DLGAP2: variants seen among roughly 807,000 people sequenced by gnomAD.
The protein encoded by DLGAP2 is disks large-associated protein 2.
Under a neutral mutation model 100.3 loss-of-function variants are expected in DLGAP2, and 26 were observed. That is an observed-to-expected ratio of 0.26 (90% CI 0.19 to 0.36). The LOEUF is 0.36. Ranked by LOEUF, DLGAP2 falls within the 10% of genes least tolerant of loss-of-function variation. The probability of loss-of-function intolerance (pLI) is 1.00; values close to 1 mark genes in which losing one functional copy is unlikely to be tolerated. For synonymous variants in DLGAP2, 886 were observed against 630.1 expected (o/e 1.41, Z -6.08); for missense variants, 1,858 against 1,453.2 (o/e 1.28, Z -4.53).
intron 3 of DLGAP2, among the ~76,000 whole-genome samples, chr8:1,434,089 C>T (rs1051682242): frequency 2.0e-5 from 3 of 152,098 alleles, no homozygotes; most frequent in South Asian, 2.1e-4. Flanking sequence ...GTGCTATGGG[C>T]GTGGCTGCTT....
chr8:951,898 T>C (rs569703918), intron 2 of DLGAP2, among the ~76,000 whole-genome samples: 2 of 152,340 alleles, frequency 1.3e-5, no homozygotes, highest in East Asian at 3.9e-4. Flanking sequence ...GGTAGACTCA[T>C]TGGAACCACT....
At chr8:1,164,892 C>T (rs1047357425) in intron 2 of DLGAP2, among the ~76,000 whole-genome samples, 1 of 152,062 alleles carries the variant, frequency 6.6e-6, no homozygotes, top group African/African-American at 2.4e-5. Context: ...CTCTTGACCT[C>T]GTCTCCTGTA....
At chr8:1,692,510 G>C (rs1284795879) in intron 13 of DLGAP2, among the ~76,000 whole-genome samples, 1 of 152,168 alleles carries the variant, frequency 6.6e-6, no homozygotes, top group African/African-American at 2.4e-5. Context: ...GCAAGGGGGA[G>C]TGGAGGACAG....
intron 3 of DLGAP2, among the ~76,000 whole-genome samples, chr8:1,291,768 C>T (rs1270253217): frequency 1.3e-5 from 2 of 152,072 alleles, no homozygotes; most frequent in African/African-American, 2.4e-5. Context: ...CAACATTGAG[C>T]CCCCGGGGGC....
intron 2 of DLGAP2, among the ~76,000 whole-genome samples, chr8:1,086,984 C>T (rs538865517): frequency 9.2e-5 from 14 of 152,272 alleles, no homozygotes; most frequent in African/African-American, 3.4e-4. Context: ...GAACATTCCT[C>T]AGGGTAGATC....
chr8:1,275,500 C>A (rs1799664696), intron 3 of DLGAP2, among the ~76,000 whole-genome samples: 1 of 151,848 alleles, frequency 6.6e-6, no homozygotes, highest in African/African-American at 2.4e-5. Flanking sequence ...ACATCAGCGT[C>A]AATCCCAGAT....
chr8:1,641,370 G>T (rs931086496), intron 8 of DLGAP2, among the ~76,000 whole-genome samples: 2 of 152,110 alleles, frequency 1.3e-5, no homozygotes, highest in South Asian at 2.1e-4. Flanking sequence ...CAAGTAATTT[G>T]TGTCCTTCTC....
At chr8:1,344,754 C>T (rs1801516509) in intron 3 of DLGAP2, among the ~76,000 whole-genome samples, 1 of 152,234 alleles carries the variant, frequency 6.6e-6, no homozygotes, top group Admixed American at 6.5e-5. Flanking sequence ...ATTTTCTGCA[C>T]TCCTCCTTGG....
At chr8:1,033,813 C>A (rs34538560) in intron 2 of DLGAP2, among the ~76,000 whole-genome samples, 1 of 135,464 alleles carries the variant, frequency 7.4e-6, no homozygotes, top group Non-Finnish European at 1.6e-5. Context: ...CGTGTCACCG[C>A]GAGTGGATTC....
intron 1 of DLGAP2, among the ~76,000 whole-genome samples, chr8:745,134 C>A (rs569255847): frequency 6.6e-6 from 1 of 152,224 alleles, no homozygotes; most frequent in Admixed American, 6.5e-5. Context: ...ACAAGCACAG[C>A]GGCAGGTTCT....
At chr8:832,442 G>A (rs771099304) in intron 1 of DLGAP2, among the ~76,000 whole-genome samples, 41 of 152,138 alleles carry the variant, frequency 2.7e-4, no homozygotes, top group Non-Finnish European at 5.4e-4. Flanking sequence ...TAATTTTATT[G>A]TTTACAGTCA....
At chr8:1,581,814 A>G (rs917281634) in intron 6 of DLGAP2, among the ~76,000 whole-genome samples, 19 of 151,466 alleles carry the variant, frequency 1.3e-4, no homozygotes, top group Admixed American at 9.9e-4. Context: ...ACGTCTACAC[A>G]CCACAGTCAA....
intron 3 of DLGAP2, among the ~76,000 whole-genome samples, chr8:1,432,617 A>G (rs1797483305): frequency 1.3e-5 from 2 of 152,194 alleles, no homozygotes; most frequent in African/African-American, 4.8e-5. Context: ...AGGCCTTTTA[A>G]GTTAATTGTA....
At chr8:1,308,104 G>C (rs1043363541) in intron 3 of DLGAP2, among the ~76,000 whole-genome samples, 1 of 152,220 alleles carries the variant, frequency 6.6e-6, no homozygotes, top group Admixed American at 6.5e-5. Flanking sequence ...AAAAGGCCTA[G>C]GAAGACCTGC....
At chr8:1,603,672 A>G (rs17828747) in intron 6 of DLGAP2, among the ~76,000 whole-genome samples, 46,109 of 151,848 alleles carry the variant, frequency 0.3, 7,295 homozygotes, top group East Asian at 0.5. Flanking sequence ...GGGTTGTGCC[A>G]GCAAGGCCAT....
At chr8:820,684 C>G (rs745556337) in intron 1 of DLGAP2, among the ~76,000 whole-genome samples, 2 of 152,138 alleles carry the variant, frequency 1.3e-5, no homozygotes, top group Non-Finnish European at 1.5e-5. Flanking sequence ...GCATTTTGGG[C>G]TCATGTGCAT....
At chr8:1,271,356 G>T (rs1030138082) in intron 3 of DLGAP2, among the ~76,000 whole-genome samples, 1 of 152,132 alleles carries the variant, frequency 6.6e-6, no homozygotes, top group Non-Finnish European at 1.5e-5. Context: ...TGCTCTTTAA[G>T]CACAATGCAT....
At chr8:817,324 T>C (rs1796501139) in intron 1 of DLGAP2, among the ~76,000 whole-genome samples, 1 of 152,224 alleles carries the variant, frequency 6.6e-6, no homozygotes, top group Non-Finnish European at 1.5e-5. Flanking sequence ...ATCATTGTTT[T>C]TTATTTATGC....
intron 3 of DLGAP2, among the ~76,000 whole-genome samples, chr8:1,460,379 T>C (rs978561895): frequency 3.9e-5 from 6 of 152,240 alleles, no homozygotes; most frequent in Admixed American, 6.5e-5. Flanking sequence ...GTAAATTCAA[T>C]GTGTCAGATG....
Sources: gnomAD v4.1 joint callset for allele counts (sites outside exome capture counted in the v4.1 genomes callset) on GRCh38, gnomAD v4.1.1 for gene constraint, MANE v1.5 for transcripts, NCBI Gene and HGNC (gene_info 2026-07-23, HGNC 2026-07-21) for gene names.